The following YBEY variants were observed in gnomAD, a reference collection of about 807,000 sequenced individuals.
YBEY encodes the protein endoribonuclease YbeY.
A neutral mutation model predicts 13.5 loss-of-function variants in YBEY; 15 were observed. The ratio of observed to expected loss-of-function variants is 1.11; its 90% confidence interval spans 0.75 to 1.72. The LOEUF is 1.72. YBEY is among the 40% of genes most tolerant of loss of function. The pLI is 0.00. For synonymous variants in YBEY, 101 were observed against 83.1 expected (o/e 1.21, Z -1.17); for missense variants, 244 against 208.4 (o/e 1.17, Z -1.05).
At chr21:46,302,505 C>T, downstream of YBEY, 1 of 1,611,728 alleles carries the variant, frequency 6.2e-7, no homozygotes, top group South Asian at 1.1e-5. Flanking sequence ...GGGGGCAGGG[C>T]CTTGAGCATC....
At chr21:46,299,147 T>C (rs929574844), downstream of YBEY, among the ~76,000 whole-genome samples, 4 of 151,270 alleles carry the variant, frequency 2.6e-5, no homozygotes, top group Non-Finnish European at 2.9e-5. Context: ...TTGTATTTCT[T>C]AGTAGAGACA....
the YBEY span, among the ~76,000 whole-genome samples, chr21:46,311,913 A>G: frequency 6.8e-6 from 1 of 148,144 alleles, no homozygotes; most frequent in Admixed American, 6.7e-5. Context: ...CCATTCATCC[A>G]CCCACCCATC....
At chr21:46,302,663 A>G, downstream of YBEY, 2 of 1,096,120 alleles carry the variant, frequency 1.8e-6, no homozygotes, top group South Asian at 2.8e-5. Context: ...ACCAGAGAAC[A>G]GGTGTGTCTG....
chr21:46,298,298 G>C (rs1024723043), downstream of YBEY, among the ~76,000 whole-genome samples: 7 of 152,156 alleles, frequency 4.6e-5, no homozygotes, highest in Non-Finnish European at 1.0e-4. Flanking sequence ...TTGGGAACAC[G>C]GGCCAGGCCC....
intron 3 of YBEY, among the ~76,000 whole-genome samples, chr21:46,295,656 C>T (rs978629897): frequency 5.3e-5 from 8 of 152,198 alleles, no homozygotes; most frequent in African/African-American, 1.9e-4. Flanking sequence ...CCCGCACTCC[C>T]TGTGCTGCCT....
chr21:46,289,797 A>G (rs2081620109), intron 2 of YBEY, among the ~76,000 whole-genome samples: 1 of 152,198 alleles, frequency 6.6e-6, no homozygotes, highest in Non-Finnish European at 1.5e-5. Flanking sequence ...GTTTTGAGAT[A>G]ATGATCCTTG....
At chr21:46,298,463 C>T (rs2082022902), downstream of YBEY, among the ~76,000 whole-genome samples, 1 of 41,674 alleles carries the variant, frequency 2.4e-5, no homozygotes, top group South Asian at 9.1e-4. Context: ...GAGTCTCGCT[C>T]TGTCGCCCAG....
At chr21:46,302,282 G>A, downstream of YBEY, 1 of 1,403,746 alleles carries the variant, frequency 7.1e-7, no homozygotes, top group South Asian at 1.5e-5. Context: ...CATCCTCCCA[G>A]AGGAGGCTCC....
At chr21:46,293,505 TGG>T in intron 3 of YBEY, among the ~76,000 whole-genome samples, 1 of 34,690 alleles carries the variant, frequency 2.9e-5, no homozygotes, top group African/African-American at 1.8e-4. Context: ...CGGGACTCAG[TGG>T]GGACAGCCAC....
chr21:46,299,915 G>A (rs1291765437), downstream of YBEY, among the ~76,000 whole-genome samples: 1 of 152,116 alleles, frequency 6.6e-6, no homozygotes, highest in Non-Finnish European at 1.5e-5. Context: ...GGGGACCAAG[G>A]GGGACTGTGT....
the YBEY span, among the ~76,000 whole-genome samples, chr21:46,312,735 T>C: frequency 6.6e-6 from 1 of 152,158 alleles, no homozygotes; most frequent in Non-Finnish European, 1.5e-5. Context: ...TGGCTTTAAT[T>C]TGCATTTCCC....
intron 1 of YBEY, 151 bp from the exon 2 acceptor site, chr21:46,286,719 T>C: frequency 1.8e-6 from 1 of 565,646 alleles, no homozygotes; most frequent in Non-Finnish European, 3.1e-6. Flanking sequence ...TAGACCCTCG[T>C]TGTTGCTTCC....
chr21:46,310,496 AT>A, the YBEY span, among the ~76,000 whole-genome samples: 6,483 of 147,904 alleles, frequency 0.044, 510 homozygotes, highest in African/African-American at 0.15. Context: ...AAAAATAAAA[AT>A]AAAAAAAAAA....
intron 3 of YBEY, among the ~76,000 whole-genome samples, chr21:46,295,949 G>T (rs11911263): frequency 6.6e-6 from 1 of 151,706 alleles, no homozygotes; most frequent in Non-Finnish European, 1.5e-5. Flanking sequence ...AGCAATCCAC[G>T]TTGACTAAAG....
At chr21:46,288,462 T>C (rs1158238122) in intron 2 of YBEY, among the ~76,000 whole-genome samples, 1 of 151,568 alleles carries the variant, frequency 6.6e-6, no homozygotes, top group Non-Finnish European at 1.5e-5. Flanking sequence ...TGGATCACGA[T>C]GTCAGGAATT....
At chr21:46,309,761 C>G in the YBEY span, among the ~76,000 whole-genome samples, 1 of 152,092 alleles carries the variant, frequency 6.6e-6, no homozygotes, top group African/African-American at 2.4e-5. Context: ...CTTTGGGAGG[C>G]TGAGGTGGGT....
chr21:46,299,759 A>G (rs1417617822), downstream of YBEY, among the ~76,000 whole-genome samples: 1 of 142,370 alleles, frequency 7.0e-6, no homozygotes, highest in Non-Finnish European at 1.6e-5. Context: ...AGCCCCCCCC[A>G]CCACAGGCAA....
intron 2 of YBEY, among the ~76,000 whole-genome samples, chr21:46,289,934 T>TCCGTGTGTGTGTGTAAGG (rs2081625511): frequency 2.7e-5 from 4 of 149,568 alleles, no homozygotes; most frequent in Non-Finnish European, 6.0e-5. Flanking sequence ...AGGTTGCAGT[T>TCCGTGTGTGTGTGTAAGG]TTGTGTGTGT....
the YBEY span, among the ~76,000 whole-genome samples, chr21:46,303,287 C>T: frequency 6.6e-6 from 1 of 152,012 alleles, no homozygotes; most frequent in African/African-American, 2.4e-5. Context: ...TGTAGTGAGC[C>T]ATGATCATGC....
Sources: gnomAD v4.1 joint callset for allele counts (sites outside exome capture counted in the v4.1 genomes callset) on GRCh38, gnomAD v4.1.1 for gene constraint, MANE v1.5 for transcripts, NCBI Gene and HGNC (gene_info 2026-07-23, HGNC 2026-07-21) for gene names.